PSMD14: variants seen among roughly 807,000 people sequenced by gnomAD.
PSMD14 encodes ubiquitin C-terminal hydrolase PSMD14.
A neutral mutation model predicts 41.2 loss-of-function variants in PSMD14; 7 were observed. The observed-to-expected ratio is 0.17, with a 90% CI of 0.10 to 0.32. PSMD14 has a LOEUF of 0.32. Ranked by LOEUF, PSMD14 falls within the 10% of genes least tolerant of loss-of-function variation. The pLI is 1.00. For synonymous variants in PSMD14, 114 were observed against 122.3 expected, an observed-to-expected ratio of 0.93 and a Z score of 0.45; for missense variants, 139 against 375.6, an observed-to-expected ratio of 0.37 and a Z score of 5.21.
chr2:161,381,453 A>T (rs1268544775), intron 7 of PSMD14: 3 of 151,812 alleles, frequency 2.0e-5, no homozygotes, highest in Non-Finnish European at 2.9e-5. Context: ...GAGAGAAAAA[A>T]ATTACAGCTA....
chr2:161,411,254 A>G, intron 11 of PSMD14, 48 bp from the exon 12 acceptor site: 1 of 1,283,100 alleles, frequency 7.8e-7, no homozygotes, highest in Non-Finnish European at 1.1e-6. Flanking sequence ...TAATTTATCT[A>G]CCAGTAATAT....
intron 10 of PSMD14, among the ~76,000 whole-genome samples, chr2:161,406,032 ACCT>A (rs1243842044): frequency 6.6e-6 from 1 of 152,140 alleles, no homozygotes; most frequent in Non-Finnish European, 1.5e-5. Flanking sequence ...ATTGGAATTG[ACCT>A]CCTGGAGATC....
chr2:161,318,787 CT>C, intron 2 of PSMD14, 34 bp from the exon 3 acceptor site: 1 of 1,567,758 alleles, frequency 6.4e-7, no homozygotes, highest in South Asian at 1.1e-5. Flanking sequence ...CATTTTTGTG[CT>C]TAGGAACGTT....
At chr2:161,387,209 C>T (rs145946577) in intron 8 of PSMD14, among the ~76,000 whole-genome samples, 1 of 151,888 alleles carries the variant, frequency 6.6e-6, no homozygotes, top group East Asian at 1.9e-4. Flanking sequence ...CAAATGAGAC[C>T]AAGCCAACAA....
intron 3 of PSMD14, among the ~76,000 whole-genome samples, chr2:161,352,264 C>T (rs898107232): frequency 1.3e-5 from 2 of 152,124 alleles, no homozygotes; most frequent in South Asian, 2.1e-4. Context: ...TCCTGAGCCT[C>T]AATCCAGAGC....
At chr2:161,311,707 C>T (rs1427334053) in intron 1 of PSMD14, among the ~76,000 whole-genome samples, 1 of 138,292 alleles carries the variant, frequency 7.2e-6, no homozygotes, top group Non-Finnish European at 1.5e-5. Context: ...TCTTGGCTCA[C>T]TGCAGCCTCC....
At chr2:161,399,060 A>G (rs1023821152) in intron 10 of PSMD14, among the ~76,000 whole-genome samples, 1 of 152,136 alleles carries the variant, frequency 6.6e-6, no homozygotes, top group African/African-American at 2.4e-5. Flanking sequence ...AAATCAGTTC[A>G]CAGTACCATC....
intron 8 of PSMD14, among the ~76,000 whole-genome samples, chr2:161,386,782 A>G (rs1261448305): frequency 6.6e-6 from 1 of 151,952 alleles, no homozygotes; most frequent in Non-Finnish European, 1.5e-5. Context: ...TCACAAGCCA[A>G]GATCATTGTG....
At chr2:161,322,563 T>A (rs1439652430) in intron 3 of PSMD14, among the ~76,000 whole-genome samples, 2 of 152,106 alleles carry the variant, frequency 1.3e-5, no homozygotes, top group African/African-American at 4.8e-5. Flanking sequence ...CTAATTTTTT[T>A]ATTTTTAGTA....
At chr2:161,336,136 TCTCCACCTTTTATTCATTTG>T (rs1682865812) in intron 3 of PSMD14, among the ~76,000 whole-genome samples, 1 of 151,992 alleles carries the variant, frequency 6.6e-6, no homozygotes, top group East Asian at 1.9e-4. Flanking sequence ...ATTCATTTGG[TCTCCACCTTTTATTCATTTG>T]GTCTCCACCT....
At chr2:161,330,863 T>C (rs935420194) in intron 3 of PSMD14, among the ~76,000 whole-genome samples, 2 of 152,210 alleles carry the variant, frequency 1.3e-5, no homozygotes, top group African/African-American at 4.8e-5. Flanking sequence ...CTCTTACTCA[T>C]TGTACATTTT....
chr2:161,368,956 G>C (rs1683395655), intron 5 of PSMD14, among the ~76,000 whole-genome samples: 1 of 151,668 alleles, frequency 6.6e-6, no homozygotes, highest in Admixed American at 6.6e-5. Flanking sequence ...AAACTAATTT[G>C]GATCTACTGA....
At chr2:161,346,985 G>A (rs1683053215) in intron 3 of PSMD14, among the ~76,000 whole-genome samples, 1 of 151,966 alleles carries the variant, frequency 6.6e-6, no homozygotes, top group African/African-American at 2.4e-5. Flanking sequence ...TATTTTTTCT[G>A]TGGTACTCTG....
intron 3 of PSMD14, among the ~76,000 whole-genome samples, chr2:161,337,647 T>G (rs1682887815): frequency 1.3e-5 from 2 of 152,256 alleles, no homozygotes; most frequent in Non-Finnish European, 2.9e-5. Context: ...CAGAAATGAT[T>G]GTTCTTAGTT....
intron 10 of PSMD14, chr2:161,408,526 A>G (rs1683984179): frequency 3.1e-6 from 1 of 317,642 alleles, no homozygotes. Flanking sequence ...CACCTCAGGT[A>G]CTTCCATCTC....
intron 3 of PSMD14, among the ~76,000 whole-genome samples, chr2:161,349,951 A>C (rs556819593): frequency 6.6e-6 from 1 of 152,370 alleles, no homozygotes; most frequent in African/African-American, 2.4e-5. Context: ...AAAATATGAT[A>C]TGTATAACAT....
chr2:161,336,397 C>T (rs986844838), intron 3 of PSMD14, among the ~76,000 whole-genome samples: 4 of 152,204 alleles, frequency 2.6e-5, no homozygotes, highest in South Asian at 2.1e-4. Context: ...ATACTATTTA[C>T]GAGCAGCTGT....
chr2:161,352,675 C>T (rs1441567938), intron 3 of PSMD14, among the ~76,000 whole-genome samples: 1 of 152,038 alleles, frequency 6.6e-6, no homozygotes, highest in African/African-American at 2.4e-5. Flanking sequence ...CCCACATTCA[C>T]CCATTTTTTT....
intron 3 of PSMD14, among the ~76,000 whole-genome samples, chr2:161,326,728 C>A (rs182351452): frequency 6.6e-6 from 1 of 152,220 alleles, no homozygotes; most frequent in Admixed American, 6.5e-5. Flanking sequence ...GGGATTGATT[C>A]TCGGACCTCT....
Sources: allele counts gnomAD v4.1 joint callset (sites outside exome capture counted in the v4.1 genomes callset), GRCh38; gene constraint gnomAD v4.1.1; transcripts MANE v1.5; gene names NCBI Gene and HGNC (gene_info 2026-07-23, HGNC 2026-07-21).